The following VEGFC variants were observed in gnomAD, a reference collection of about 807,000 sequenced individuals.
The protein encoded by VEGFC is FLT4 ligand DHM.
VEGFC carries 12 observed loss-of-function variants against 46.1 expected under a neutral mutation model. The ratio of observed to expected loss-of-function variants is 0.26; its 90% CI spans 0.17 to 0.42. The LOEUF (loss-of-function observed/expected upper bound fraction) is 0.42, where lower values mean the gene tolerates loss of function less well. VEGFC is among the 10% of genes least tolerant of loss of function. The probability of loss-of-function intolerance (pLI) is 1.00; values close to 1 mark genes in which losing one functional copy is unlikely to be tolerated. For synonymous variants in VEGFC, 232 were observed against 195.5 expected (o/e 1.19, Z -1.56); for missense variants, 488 against 529.4 (o/e 0.92, Z 0.77).
chr4:176,694,672 A>T (rs1467843834), intron 4 of VEGFC, among the ~76,000 whole-genome samples: 2 of 149,190 alleles, frequency 1.3e-5, no homozygotes. Context: ...TCAATGGAAT[A>T]TATATTTTTT....
chr4:176,687,566 G>A (rs763572920), intron 5 of VEGFC, 46 bp from the exon 6 acceptor site: 36 of 1,470,476 alleles, frequency 2.4e-5, no homozygotes, highest in Non-Finnish European at 2.9e-5. Flanking sequence ...ACTTGGTTCT[G>A]GGTGTGGCAT....
At chr4:176,767,647 G>A (rs565686435) in intron 1 of VEGFC, among the ~76,000 whole-genome samples, 12 of 152,210 alleles carry the variant, frequency 7.9e-5, no homozygotes, top group Non-Finnish European at 1.5e-4. Context: ...TGAACCAGTC[G>A]TTAAACTCTT....
intron 3 of VEGFC, among the ~76,000 whole-genome samples, chr4:176,720,777 G>A (rs1278516058): frequency 1.3e-5 from 2 of 149,956 alleles, no homozygotes; most frequent in Non-Finnish European, 3.0e-5. Flanking sequence ...GGAGGCAGAG[G>A]TCACAGTGAG....
chr4:176,727,359 G>A (rs767924638), intron 3 of VEGFC, among the ~76,000 whole-genome samples: 10 of 152,096 alleles, frequency 6.6e-5, no homozygotes, highest in East Asian at 1.9e-4. Context: ...CAGAACACAC[G>A]CATTTAATTT....
At chr4:176,748,658 C>T (rs953226047) in intron 1 of VEGFC, among the ~76,000 whole-genome samples, 1 of 151,872 alleles carries the variant, frequency 6.6e-6, no homozygotes, top group African/African-American at 2.4e-5. Context: ...AACAACTTTC[C>T]AGAATAAACC....
At chr4:176,715,516 C>T (rs977964129) in intron 3 of VEGFC, among the ~76,000 whole-genome samples, 1 of 152,104 alleles carries the variant, frequency 6.6e-6, no homozygotes, top group Non-Finnish European at 1.5e-5. Flanking sequence ...GCTCTTGTCA[C>T]ATACTAAAGA....
rs4529000 is a variant in VEGFC, at chr4:176,687,721, A to C, written c.811+100T>G. 1 allele frequency: 1,073,541 copies of C among 1,074,762 alleles called. 536,167 individuals carry two copies. Among genetic ancestry groups the C allele is most frequent in the Middle Eastern group, 1 (4,666 of 4,666 alleles). 66.6% of individuals were successfully genotyped at this position (1,074,762 alleles called of 1,614,324 possible). ...TGTACTATTTTTTAGTCACTTATTT[A>C]GAAGAATGATGAATATTATATGTGT... On this transcript the variant is annotated intron_variant, in intron 5 of 6. Coordinates refer to ENST00000618562, the MANE Select transcript of VEGFC (RefSeq NM_005429.5).
intron 1 of VEGFC, among the ~76,000 whole-genome samples, chr4:176,751,713 T>A (rs1033960197): frequency 7.2e-5 from 11 of 151,894 alleles, no homozygotes; most frequent in African/African-American, 2.7e-4. Context: ...GTTGGATAGA[T>A]CAATGATATG....
chr4:176,753,346 T>A (rs1435128731), intron 1 of VEGFC, among the ~76,000 whole-genome samples: 1 of 152,038 alleles, frequency 6.6e-6, no homozygotes, highest in East Asian at 1.9e-4. Context: ...TGGAATTGAT[T>A]AGCTGTGTGA....
chr4:176,772,625 T>C (rs527645161), intron 1 of VEGFC, among the ~76,000 whole-genome samples: 5 of 152,322 alleles, frequency 3.3e-5, no homozygotes, highest in South Asian at 2.1e-4. Context: ...TGCAAAAGCA[T>C]TGAAAGGTGG....
At chr4:176,772,763 T>C (rs762586929) in intron 1 of VEGFC, among the ~76,000 whole-genome samples, 4 of 152,152 alleles carry the variant, frequency 2.6e-5, no homozygotes, top group Non-Finnish European at 5.9e-5. Context: ...TCTTGCACTC[T>C]GGAGAAATCT....
At chr4:176,731,493 C>T (rs1017899959) in intron 1 of VEGFC, among the ~76,000 whole-genome samples, 3 of 151,708 alleles carry the variant, frequency 2.0e-5, no homozygotes, top group Non-Finnish European at 2.9e-5. Flanking sequence ...GGAAAAAAAA[C>T]AGTGTACAGG....
At chr4:176,778,482 CA>C (rs1735854419) in intron 1 of VEGFC, among the ~76,000 whole-genome samples, 1 of 151,894 alleles carries the variant, frequency 6.6e-6, no homozygotes, top group Admixed American at 6.6e-5. Context: ...CCGCCACCAA[CA>C]AAAAGTCTTC....
At chr4:176,737,770 C>T (rs1228408165) in intron 1 of VEGFC, among the ~76,000 whole-genome samples, 3 of 151,592 alleles carry the variant, frequency 2.0e-5, no homozygotes, top group Admixed American at 6.6e-5. Context: ...GTTTTCAATT[C>T]CCATCATATA....
At chr4:176,730,521 C>T (rs911406471) in intron 1 of VEGFC, among the ~76,000 whole-genome samples, 2 of 151,982 alleles carry the variant, frequency 1.3e-5, no homozygotes, top group Admixed American at 1.3e-4. Flanking sequence ...TATCTATCTG[C>T]CAAGTAAAAT....
intron 1 of VEGFC, among the ~76,000 whole-genome samples, chr4:176,790,425 A>G (rs1306674471): frequency 1.3e-5 from 2 of 152,318 alleles, no homozygotes; most frequent in East Asian, 1.9e-4. Flanking sequence ...AAAATTTGCC[A>G]TATCACCAAT....
rs572075545 is a variant in VEGFC at position 176,723,736 on chromosome 4, G to A, written c.552+4042C>T. Among the ~76,000 whole-genome samples, 21 of 149,330 alleles carry A rather than the reference G, an allele frequency of 1.4e-4. No homozygotes were observed. In the East Asian group the frequency reaches 4.2e-3, roughly 30 times the overall value. ...TTTAGGTTTGGGGGTGCATGTGCAG[G>A]TTTGTGACATAGGTAAACTTTTATT... On this transcript the variant is annotated intron_variant, in intron 3 of 6. Coordinates refer to ENST00000618562, the MANE Select transcript of VEGFC (RefSeq NM_005429.5).
rs1176072742 is a variant in VEGFC, at chr4:176,697,787, A to G, written c.705-9860T>C. Among the ~76,000 whole-genome samples the G allele has an allele frequency of 4.6e-5, 7 of 151,062 alleles. No homozygotes were observed. The East Asian group carries it at 7.8e-4, about 17-fold the overall frequency. On this transcript the variant is annotated intron_variant, in intron 4 of 6. Coordinates refer to ENST00000618562, the MANE Select transcript of VEGFC (RefSeq NM_005429.5). ...TAAGAAAATGTGGCACATATACACC[A>G]TGGAATACTATGCAGCCATAAAAAA...
chr4:176,720,648 T>G (rs1734770265), intron 3 of VEGFC, among the ~76,000 whole-genome samples: 1 of 151,892 alleles, frequency 6.6e-6, no homozygotes, highest in Non-Finnish European at 1.5e-5. Flanking sequence ...TAGACCAGCC[T>G]GGCTAACATG....
Sources: gnomAD v4.1 joint callset for allele counts (sites outside exome capture counted in the v4.1 genomes callset) on GRCh38, gnomAD v4.1.1 for gene constraint, MANE v1.5 for transcripts, NCBI Gene and HGNC (gene_info 2026-07-23, HGNC 2026-07-21) for gene names.